The following RB1 variants were observed in gnomAD, a reference collection of about 807,000 sequenced individuals.
The protein encoded by RB1 is RB transcriptional corepressor 1.
Under a neutral mutation model 135.4 loss-of-function variants are expected in RB1, and 18 were observed. The observed-to-expected ratio is 0.13, with a 90% CI of 0.09 to 0.20. RB1 has a LOEUF of 0.20. Ranked by LOEUF, RB1 falls within the 10% of genes least tolerant of loss-of-function variation. The pLI is 1.00. For missense variants in RB1, 868 were observed against 1,110.0 expected (o/e 0.78, Z 3.10); for synonymous variants, 365 against 373.2 (o/e 0.98, Z 0.25).
At chr13:48,304,082 G>T in intron 1 of RB1, 33 bp downstream of exon 1, 1 of 1,390,542 alleles carries the variant, frequency 7.2e-7, no homozygotes. Context: ...GCCTCACGCG[G>T]GAAGGGCGCC....
chr13:48,415,821 A>G (rs1948899413), intron 17 of RB1: 2 of 152,228 alleles, frequency 1.3e-5, no homozygotes, highest in Admixed American at 6.5e-5. Context: ...CTGTTTGAAC[A>G]GGAAGAAGAT....
chr13:48,342,535 T>G, intron 2 of RB1, 64 bp from the exon 3 acceptor site: 1 of 1,015,218 alleles, frequency 9.9e-7, no homozygotes, highest in South Asian at 1.3e-5. Context: ...TAATACAGTT[T>G]TAACATAGTA....
intron 17 of RB1, among the ~76,000 whole-genome samples, chr13:48,420,394 A>G (rs939085464): frequency 6.6e-6 from 1 of 152,206 alleles, no homozygotes; most frequent in African/African-American, 2.4e-5. Flanking sequence ...TCTCAAAATA[A>G]TAAGAGCTAT....
chr13:48,373,901 T>G (rs2138132087), intron 12 of RB1, among the ~76,000 whole-genome samples: 2 of 152,264 alleles, frequency 1.3e-5, no homozygotes, highest in South Asian at 4.1e-4. Context: ...TGCTCGATCT[T>G]CAATTCCAGG....
At chr13:48,359,051 T>G (rs144467073) in intron 6 of RB1, among the ~76,000 whole-genome samples, 1 of 152,236 alleles carries the variant, frequency 6.6e-6, no homozygotes, top group African/African-American at 2.4e-5. Flanking sequence ...TTGCTGAGAT[T>G]ATTACTGGTT....
chr13:48,402,548 T>G (rs796446194), intron 17 of RB1, among the ~76,000 whole-genome samples: 20 of 152,156 alleles, frequency 1.3e-4, no homozygotes, highest in African/African-American at 4.3e-4. Flanking sequence ...CAGCTAATTT[T>G]TTTTATTCTT....
chr13:48,348,816 G>T, intron 5 of RB1, 140 bp from the exon 6 acceptor site: 1 of 904,938 alleles, frequency 1.1e-6, no homozygotes, highest in Non-Finnish European at 1.6e-6. Context: ...AATTAAAATG[G>T]ACTGCATTCT....
At chr13:48,423,349 A>G (rs1949033975) in intron 17 of RB1, among the ~76,000 whole-genome samples, 2 of 152,096 alleles carry the variant, frequency 1.3e-5, no homozygotes, top group African/African-American at 4.8e-5. Context: ...ATCTCGGCTC[A>G]CTGCAACCTC....
intron 17 of RB1, among the ~76,000 whole-genome samples, chr13:48,419,565 G>A (rs969400565): frequency 2.6e-5 from 4 of 151,850 alleles, no homozygotes; most frequent in Admixed American, 6.6e-5. Context: ...AGAGAAACAC[G>A]AAAAACCCTT....
Position 48,462,021 on chromosome 13 carries a change from C to T in RB1, c.2107-1710C>T, listed in dbSNP as rs561007601. On this transcript the variant is annotated intron_variant, in intron 20 of 26. Transcript: ENST00000267163. The stretch of plus-strand genomic sequence containing the variant: ...CTAATTTCTGTATTTTTAGTAGAGA[C>T]GGGGTTTCATTATGTTGGTCAGGCT... Among the ~76,000 whole-genome samples, 55 of 152,060 alleles carry T rather than the reference C, an allele frequency of 3.6e-4. 3 individuals carry two copies. The South Asian group carries it at 1.0e-2, about 28-fold the overall frequency.
At chr13:48,437,958 GT>G (rs1211178210) in intron 17 of RB1, among the ~76,000 whole-genome samples, 1 of 152,092 alleles carries the variant, frequency 6.6e-6, no homozygotes, top group Non-Finnish European at 1.5e-5. Context: ...CAGTTTTCTT[GT>G]TTGTGCTTTG....
chr13:48,410,652 A>C (rs1948786225), intron 17 of RB1, among the ~76,000 whole-genome samples: 1 of 152,186 alleles, frequency 6.6e-6, no homozygotes, highest in Non-Finnish European at 1.5e-5. Flanking sequence ...GCAAAATGAC[A>C]TTTTATTAGT....
intron 19 of RB1, among the ~76,000 whole-genome samples, chr13:48,458,057 C>A (rs1013505936): frequency 6.6e-6 from 1 of 152,192 alleles, no homozygotes; most frequent in African/African-American, 2.4e-5. Context: ...GTGGCTTGGG[C>A]GGCTGCAGAA....
chr13:48,310,979 T>C (rs1366365794), intron 2 of RB1, among the ~76,000 whole-genome samples: 1 of 152,212 alleles, frequency 6.6e-6, no homozygotes, highest in Admixed American at 6.5e-5. Context: ...GTGATGTTCA[T>C]ATTGTGACTT....
At chr13:48,444,269 C>G (rs1193977886) in intron 17 of RB1, among the ~76,000 whole-genome samples, 1 of 152,214 alleles carries the variant, frequency 6.6e-6, no homozygotes, top group African/African-American at 2.4e-5. Flanking sequence ...GTAATCCCAG[C>G]ACTTTGGGAG....
chr13:48,378,877 G>A (rs938436215), intron 13 of RB1, among the ~76,000 whole-genome samples: 7 of 152,042 alleles, frequency 4.6e-5, no homozygotes, highest in African/African-American at 1.7e-4. Context: ...GACCAAAAAC[G>A]TTGTTATGCG....
At chr13:48,392,399 C>T (rs1947746775) in intron 17 of RB1, among the ~76,000 whole-genome samples, 1 of 152,196 alleles carries the variant, frequency 6.6e-6, no homozygotes, top group African/African-American at 2.4e-5. Context: ...GCATGAGCCA[C>T]CACGCCTGGC....
chr13:48,425,343 A>G (rs1593504903), intron 17 of RB1, among the ~76,000 whole-genome samples: 1 of 152,210 alleles, frequency 6.6e-6, no homozygotes, highest in Admixed American at 6.5e-5. Context: ...CCATTCTCTC[A>G]AGGATGCTAT....
Position 48,459,951 on chromosome 13 carries a change from T to C in RB1, c.2106+118T>C, listed in dbSNP as rs543633222. 5.9e-3 allele frequency: 2,348 copies of C among 398,488 alleles called. 81 individuals carry two copies. Among genetic ancestry groups the C allele is most frequent in the Non-Finnish European group, 7.3e-3 (1,787 of 243,610 alleles). 24.7% of individuals were successfully genotyped at this position (398,488 alleles called of 1,614,324 possible). A position where few individuals can be genotyped will look rare whatever the true frequency, so the allele number is the denominator to read the frequency against. On this transcript the variant is annotated intron_variant, in intron 20 of 26. Transcript: ENST00000267163. ...TTTCTTTCTTTCTTTCTTTCTTTCT[T>C]TTTCTTTCTTTCTTTCTCTCTTTCT...
Sources: allele counts gnomAD v4.1 joint callset (sites outside exome capture counted in the v4.1 genomes callset), GRCh38; gene constraint gnomAD v4.1.1; transcripts MANE v1.5; gene names NCBI Gene and HGNC (gene_info 2026-07-23, HGNC 2026-07-21).